The following DTNB variants were observed in gnomAD, a reference collection of about 807,000 sequenced individuals.
DTNB encodes the protein DTN-B.
DTNB carries 63 observed loss-of-function variants against 90.7 expected under a neutral mutation model. The ratio of observed to expected loss-of-function variants is 0.69; its 90% CI spans 0.57 to 0.86. DTNB has a LOEUF of 0.86. Among genes scored for constraint, DTNB ranks in the 40% least tolerant of loss-of-function variants. DTNB has a pLI of 0.00. For missense variants in DTNB, 744 were observed against 807.1 expected (o/e 0.92, Z 0.95); for synonymous variants, 277 against 286.7 (o/e 0.97, Z 0.34).
intron 10 of DTNB, among the ~76,000 whole-genome samples, chr2:25,468,689 G>A (rs747234873): frequency 6.6e-6 from 1 of 152,104 alleles, no homozygotes; most frequent in Non-Finnish European, 1.5e-5. Flanking sequence ...AATCTGTTTC[G>A]GAACAATGCT....
At chr2:25,455,883 T>G (rs1251621010) in intron 10 of DTNB, among the ~76,000 whole-genome samples, 1 of 152,238 alleles carries the variant, frequency 6.6e-6, no homozygotes, top group Non-Finnish European at 1.5e-5. Context: ...TATCACTACA[T>G]GACCCCCTAG....
intron 16 of DTNB, among the ~76,000 whole-genome samples, chr2:25,416,449 A>T (rs182906879): frequency 4.9e-4 from 75 of 152,316 alleles, no homozygotes; most frequent in Middle Eastern, 3.4e-3. Context: ...ATGCGGGCGG[A>T]TCAACTGAGG....
At chr2:25,420,823 G>C (rs1380252165) in intron 15 of DTNB, among the ~76,000 whole-genome samples, 1 of 152,218 alleles carries the variant, frequency 6.6e-6, no homozygotes, top group Non-Finnish European at 1.5e-5. Flanking sequence ...GGAACACAGA[G>C]CAGGCACTTG....
At chr2:25,380,438 T>C (rs2037324608) in intron 19 of DTNB, among the ~76,000 whole-genome samples, 1 of 152,342 alleles carries the variant, frequency 6.6e-6, no homozygotes, top group African/African-American at 2.4e-5. Flanking sequence ...ACCTATATAA[T>C]GTGGAGAGCC....
chr2:25,591,469 A>G (rs969560992), intron 6 of DTNB, among the ~76,000 whole-genome samples: 3 of 152,202 alleles, frequency 2.0e-5, no homozygotes, highest in Non-Finnish European at 4.4e-5. Flanking sequence ...AACAAATAGC[A>G]TCTCCTTTCT....
chr2:25,434,066 G>T, intron 12 of DTNB, 71 bp from the exon 13 acceptor site: 1 of 1,406,830 alleles, frequency 7.1e-7, no homozygotes, highest in South Asian at 1.3e-5. Flanking sequence ...TAGATTGACT[G>T]ATTTTTAAAA....
At chr2:25,652,532 TAA>T (rs137982132) in intron 2 of DTNB, 60 bp downstream of exon 2, 5,728 of 1,259,554 alleles carry the variant, frequency 4.5e-3, no homozygotes, top group South Asian at 0.011. Flanking sequence ...TGACTTGATC[TAA>T]AAAAAAAAAA....
chr2:25,571,667 A>G (rs976969557), intron 8 of DTNB, among the ~76,000 whole-genome samples: 18 of 152,010 alleles, frequency 1.2e-4, no homozygotes, highest in African/African-American at 4.3e-4. Flanking sequence ...TCCACTTGCT[A>G]CTCTGCTCAT....
At chr2:25,467,491 A>G (rs2062016547) in intron 10 of DTNB, among the ~76,000 whole-genome samples, 1 of 151,872 alleles carries the variant, frequency 6.6e-6, no homozygotes, top group South Asian at 2.1e-4. Flanking sequence ...CTTTGTAAAT[A>G]TGTGGTCTTG....
At position 25,628,393 on chromosome 2, in the gene DTNB, CAAAG is replaced by C. The variant is rs2074920931; in HGVS notation, c.149-13_149-10del. ...GATATCAACAAGATGAACTAAAAGA[CAAAG>C]AAAATAAACTGTCAACAATTTTAAA... On this transcript the variant is annotated splice_polypyrimidine_tract_variant and intron_variant, in intron 3 of 20. Coordinates refer to ENST00000406818, the MANE Select transcript of DTNB (RefSeq NM_021907.5). The C allele has an allele frequency of 1.7e-5, 27 of 1,608,910 alleles. No individual in the cohort carries two copies. The highest frequency in any genetic ancestry group is 4.0e-5 in the African/African-American group (3 of 74,878).
intron 9 of DTNB, among the ~76,000 whole-genome samples, chr2:25,495,767 T>A (rs1043684865): frequency 1.3e-5 from 2 of 152,190 alleles, no homozygotes; most frequent in Admixed American, 1.3e-4. Context: ...AACCATGATG[T>A]TAAAAAAATA....
At chr2:25,672,045 TG>T (rs2086041142) in intron 1 of DTNB, among the ~76,000 whole-genome samples, 1 of 151,502 alleles carries the variant, frequency 6.6e-6, no homozygotes, top group South Asian at 2.1e-4. Flanking sequence ...AGGAACAAAA[TG>T]GGATGATCTC....
chr2:25,552,509 C>T (rs1354730271), intron 8 of DTNB, among the ~76,000 whole-genome samples: 2 of 152,178 alleles, frequency 1.3e-5, no homozygotes, highest in South Asian at 2.1e-4. Context: ...CACAGCTCCC[C>T]GCAGCAACTA....
intron 6 of DTNB, among the ~76,000 whole-genome samples, chr2:25,592,810 C>T (rs1055281944): frequency 6.6e-6 from 1 of 152,192 alleles, no homozygotes; most frequent in African/African-American, 2.4e-5. Context: ...CACTAAGAAT[C>T]TACATGGCTT....
At chr2:25,641,460 A>AT (rs921005744) in intron 2 of DTNB, among the ~76,000 whole-genome samples, 1 of 152,022 alleles carries the variant, frequency 6.6e-6, no homozygotes, top group African/African-American at 2.4e-5. Context: ...ATTTTATTTT[A>AT]TTTTTTTGCC....
intron 10 of DTNB, among the ~76,000 whole-genome samples, chr2:25,466,838 G>A (rs775343939): frequency 2.6e-5 from 4 of 152,138 alleles, no homozygotes; most frequent in Non-Finnish European, 4.4e-5. Flanking sequence ...TTTTCCGAAC[G>A]CTGTTGTTTC....
intron 9 of DTNB, among the ~76,000 whole-genome samples, chr2:25,517,103 G>A (rs1181787316): frequency 6.6e-6 from 1 of 152,104 alleles, no homozygotes; most frequent in Non-Finnish European, 1.5e-5. Flanking sequence ...TTCATGCAAA[G>A]GATATTTTCA....
chr2:25,377,786 G>A (rs532508155), intron 20 of DTNB, among the ~76,000 whole-genome samples: 4 of 152,306 alleles, frequency 2.6e-5, no homozygotes, highest in African/African-American at 4.8e-5. Flanking sequence ...GTTTGAATGG[G>A]GTGATTTCTT....
intron 7 of DTNB, 145 bp from the exon 8 acceptor site, chr2:25,577,149 G>C (rs1474288548): frequency 3.8e-6 from 4 of 1,046,856 alleles, no homozygotes; most frequent in Non-Finnish European, 5.3e-6. Flanking sequence ...AAAAATAAAA[G>C]TAGAGCCGGA....
Sources: allele counts gnomAD v4.1 joint callset (sites outside exome capture counted in the v4.1 genomes callset), GRCh38; gene constraint gnomAD v4.1.1; transcripts MANE v1.5; gene names NCBI Gene and HGNC (gene_info 2026-07-23, HGNC 2026-07-21).